The following PLPPR1 variants were observed in gnomAD, a reference collection of about 807,000 sequenced individuals.
PLPPR1 encodes the protein phospholipid phosphatase-related protein type 1.
PLPPR1 carries 10 observed loss-of-function variants against 33.1 expected under a neutral mutation model. The ratio of observed to expected loss-of-function variants is 0.30; its 90% confidence interval spans 0.19 to 0.51. The LOEUF is 0.51. PLPPR1 is among the 20% of genes least tolerant of loss of function. The probability of loss-of-function intolerance (pLI) is 0.97; values close to 1 mark genes in which losing one functional copy is unlikely to be tolerated. For missense variants in PLPPR1, 304 were observed against 408.1 expected, an observed-to-expected ratio of 0.74 and a Z score of 2.20; for synonymous variants, 151 against 151.0, an observed-to-expected ratio of 1.00 and a Z score of 0.00.
chr9:101,265,771 C>T (rs564986742), intron 2 of PLPPR1, among the ~76,000 whole-genome samples: 6 of 149,316 alleles, frequency 4.0e-5, no homozygotes, highest in East Asian at 2.1e-4. Context: ...CTGAGGCAGG[C>T]GGATCACGAG....
intron 1 of PLPPR1, among the ~76,000 whole-genome samples, chr9:101,065,107 C>T (rs1307773861): frequency 2.0e-5 from 3 of 152,020 alleles, no homozygotes; most frequent in Admixed American, 2.0e-4. Context: ...ACTGTCATAT[C>T]AACCAGGAGG....
intron 2 of PLPPR1, among the ~76,000 whole-genome samples, chr9:101,248,934 TATA>T (rs1253903778): frequency 6.6e-6 from 1 of 151,890 alleles, no homozygotes; most frequent in Non-Finnish European, 1.5e-5. Flanking sequence ...GTCAGGGGAG[TATA>T]ATAACATCTT....
At chr9:101,075,616 C>G (rs1830526130) in intron 1 of PLPPR1, among the ~76,000 whole-genome samples, 1 of 152,186 alleles carries the variant, frequency 6.6e-6, no homozygotes, top group South Asian at 2.1e-4. Context: ...TATCTGGTTT[C>G]CTCCACAGAT....
intron 1 of PLPPR1, among the ~76,000 whole-genome samples, chr9:101,046,210 C>T (rs868526221): frequency 6.6e-6 from 1 of 151,784 alleles, no homozygotes; most frequent in African/African-American, 2.4e-5. Flanking sequence ...GTTTTCTGCC[C>T]TTTTTTTTCC....
At chr9:101,304,785 C>CT (rs1828824951) in intron 4 of PLPPR1, among the ~76,000 whole-genome samples, 1 of 152,166 alleles carries the variant, frequency 6.6e-6, no homozygotes, top group Non-Finnish European at 1.5e-5. Flanking sequence ...AGCTCCTCAG[C>CT]TCCAAGGAAC....
intron 3 of PLPPR1, among the ~76,000 whole-genome samples, chr9:101,281,671 G>T (rs1165686147): frequency 6.6e-6 from 1 of 151,804 alleles, no homozygotes; most frequent in African/African-American, 2.4e-5. Context: ...TTTTTGAAAA[G>T]ATAGACTAAA....
intron 1 of PLPPR1, among the ~76,000 whole-genome samples, chr9:101,173,353 T>C (rs1320182771): frequency 1.3e-5 from 2 of 152,178 alleles, no homozygotes; most frequent in African/African-American, 4.8e-5. Context: ...TACATATTTT[T>C]CATTTGGTTT....
chr9:101,071,419 A>G (rs189183267), intron 1 of PLPPR1, among the ~76,000 whole-genome samples: 3 of 152,230 alleles, frequency 2.0e-5, no homozygotes, highest in African/African-American at 7.2e-5. Flanking sequence ...ACAATGACCT[A>G]TTACCCTTCT....
chr9:101,188,609 C>A (rs1356600283), intron 2 of PLPPR1, among the ~76,000 whole-genome samples: 1 of 152,000 alleles, frequency 6.6e-6, no homozygotes, highest in Non-Finnish European at 1.5e-5. Flanking sequence ...AAGTGTTTTA[C>A]TATTGAATTA....
intron 1 of PLPPR1, among the ~76,000 whole-genome samples, chr9:101,045,323 A>G (rs1830131454): frequency 6.6e-6 from 1 of 152,238 alleles, no homozygotes; most frequent in Non-Finnish European, 1.5e-5. Flanking sequence ...AGTTGAAACT[A>G]GGCACATTCC....
At position 101,239,060 on chromosome 9, in the gene PLPPR1, A is replaced by AGTGTGT. The variant is rs60620773; in HGVS notation, c.64-30797_64-30792dup. Among the ~76,000 whole-genome samples, 241 of 147,530 alleles carry AGTGTGT rather than the reference A, an allele frequency of 1.6e-3. 1 individual carries two copies. Among genetic ancestry groups the AGTGTGT allele is most frequent in the Middle Eastern group, 6.9e-3 (2 of 290 alleles). ...CTGAATAAATAGCTGAATTTCATTG[A>AGTGTGT]GTGTGTGTGTGTGTGTGTGTGTGTG... On this transcript the variant is annotated intron_variant, in intron 2 of 7. Transcript: ENST00000374874.
chr9:101,174,806 T>C (rs531983811), intron 1 of PLPPR1, among the ~76,000 whole-genome samples: 1 of 152,338 alleles, frequency 6.6e-6, no homozygotes, highest in East Asian at 1.9e-4. Context: ...TGAAGTCTGA[T>C]TCATAATATA....
At chr9:101,110,264 C>T (rs1271778010) in intron 1 of PLPPR1, among the ~76,000 whole-genome samples, 2 of 151,950 alleles carry the variant, frequency 1.3e-5, no homozygotes, top group African/African-American at 4.8e-5. Context: ...TTAAAACATA[C>T]AAATGACAAT....
intron 4 of PLPPR1, among the ~76,000 whole-genome samples, chr9:101,295,420 A>C (rs542376770): frequency 6.6e-6 from 1 of 152,060 alleles, no homozygotes; most frequent in Non-Finnish European, 1.5e-5. Flanking sequence ...CAAGCTACCA[A>C]TGACTTTCTT....
chr9:101,285,763 A>G (rs1483901486), intron 3 of PLPPR1, among the ~76,000 whole-genome samples: 2 of 152,296 alleles, frequency 1.3e-5, no homozygotes, highest in South Asian at 4.1e-4. Flanking sequence ...GGCTGTCTGA[A>G]TCATTCCTCA....
chr9:101,165,473 A>G (rs977998026), intron 1 of PLPPR1, among the ~76,000 whole-genome samples: 1 of 152,204 alleles, frequency 6.6e-6, no homozygotes, highest in African/African-American at 2.4e-5. Flanking sequence ...AAAATAAAGG[A>G]TGCAAATACT....
intron 1 of PLPPR1, among the ~76,000 whole-genome samples, chr9:101,132,292 G>A (rs931258369): frequency 5.3e-5 from 8 of 152,050 alleles, no homozygotes; most frequent in Non-Finnish European, 1.0e-4. Flanking sequence ...ATCCCTGTAG[G>A]AAAGTGAAGA....
At chr9:101,084,515 A>C (rs985886150) in intron 1 of PLPPR1, among the ~76,000 whole-genome samples, 2 of 152,180 alleles carry the variant, frequency 1.3e-5, no homozygotes, top group Non-Finnish European at 1.5e-5. Flanking sequence ...TACTATTATA[A>C]CACCAAGTTT....
intron 1 of PLPPR1, among the ~76,000 whole-genome samples, chr9:101,168,124 C>T (rs972079064): frequency 3.3e-5 from 5 of 152,128 alleles, no homozygotes; most frequent in Non-Finnish European, 7.4e-5. Context: ...ATGGAAGCTA[C>T]AATTCAGGAT....
Sources: gnomAD v4.1 joint callset for allele counts (sites outside exome capture counted in the v4.1 genomes callset) on GRCh38, gnomAD v4.1.1 for gene constraint, MANE v1.5 for transcripts, NCBI Gene and HGNC (gene_info 2026-07-23, HGNC 2026-07-21) for gene names.